AKR1C3: variants seen among roughly 807,000 people sequenced by gnomAD.
The protein encoded by AKR1C3 is aldo-keto reductase family 1 member C3.
Under a neutral mutation model 43.6 loss-of-function variants are expected in AKR1C3, and 48 were observed. That is an observed-to-expected ratio of 1.10 (90% CI 0.87 to 1.40). AKR1C3 has a LOEUF of 1.40. AKR1C3 is among the 40% of genes most tolerant of loss of function. AKR1C3 has a pLI of 0.00. For synonymous variants in AKR1C3, 162 were observed against 139.6 expected (o/e 1.16, Z -1.13); for missense variants, 482 against 391.2 (o/e 1.23, Z -1.96).
chr10:5,089,020 CTG>C (rs1182270859), intron 1 of AKR1C3, among the ~76,000 whole-genome samples: 1 of 152,042 alleles, frequency 6.6e-6, no homozygotes, highest in Non-Finnish European at 1.5e-5. Flanking sequence ...ATTTGCTTGT[CTG>C]TGAAAGATGA....
At chr10:5,055,868 G>T (rs1396379054) in intron 1 of AKR1C3, among the ~76,000 whole-genome samples, 1 of 152,138 alleles carries the variant, frequency 6.6e-6, no homozygotes, top group East Asian at 1.9e-4. Flanking sequence ...ATCCATAGTC[G>T]GCAAAAGCCG....
intron 1 of AKR1C3, among the ~76,000 whole-genome samples, chr10:5,069,185 C>A (rs1321672032): frequency 6.6e-6 from 1 of 152,200 alleles, no homozygotes; most frequent in African/African-American, 2.4e-5. Flanking sequence ...CGAAAGAGAC[C>A]AGAGACTAAC....
At chr10:5,063,764 GCAAAAAAAAA>G (rs1267996259) in intron 1 of AKR1C3, among the ~76,000 whole-genome samples, 27 of 33,446 alleles carry the variant, frequency 8.1e-4, no homozygotes, top group African/African-American at 3.2e-3. Flanking sequence ...CTCTGTCTCA[GCAAAAAAAAA>G]AAAAAAAAAA....
chr10:5,107,339 C>T, intron 8 of AKR1C3, 122 bp from the exon 9 acceptor site: 2 of 690,762 alleles, frequency 2.9e-6, no homozygotes, highest in South Asian at 1.7e-5. Context: ...GTAAGAAAGG[C>T]AGATTCTACA....
At chr10:5,056,802 G>A (rs1465262423) in intron 1 of AKR1C3, among the ~76,000 whole-genome samples, 2 of 152,172 alleles carry the variant, frequency 1.3e-5, no homozygotes, top group African/African-American at 2.4e-5. Context: ...GGACTTTCAG[G>A]CATAACAAGA....
At chr10:5,062,452 G>A (rs1343353301) in intron 1 of AKR1C3, among the ~76,000 whole-genome samples, 1 of 152,132 alleles carries the variant, frequency 6.6e-6, no homozygotes, top group Non-Finnish European at 1.5e-5. Context: ...TTGTAGCTGA[G>A]CTTTTCCCTC....
At position 5,096,475 on chromosome 10, in the gene AKR1C3, T is replaced by G; in HGVS notation, c.150T>G (p.Asp50Glu). ...LAIEAGFRHI[D>E]SAHLYNNEEQ... Reference sequence around the variant, plus strand: ...TAGAAGCTGGGTTCCGCCATATAGATTCTGCTCATTTATACAATAATGAGG... The same window carrying G: ...TAGAAGCTGGGTTCCGCCATATAGAGTCTGCTCATTTATACAATAATGAGG... The change falls in exon 2 of 9, where the codon GAT becomes GAG. Residue 50 changes from aspartate to glutamate, a missense_variant. Physicochemically the swap from Asp to Glu is conservative, Grantham distance 45 (BLOSUM62 2). Transcript: ENST00000380554. 6.2e-7 allele frequency: 1 copy of G among 1,613,838 alleles called. No homozygotes were observed.
At chr10:5,074,106 C>A (rs1355225262) in intron 1 of AKR1C3, among the ~76,000 whole-genome samples, 1 of 151,946 alleles carries the variant, frequency 6.6e-6, no homozygotes, top group African/African-American at 2.4e-5. Flanking sequence ...ACCTGGAAGC[C>A]CCCTCCCCAC....
upstream of AKR1C3, chr10:5,094,392 A>T (rs924102952): frequency 6.2e-6 from 10 of 1,604,950 alleles, no homozygotes; most frequent in Non-Finnish European, 8.5e-6. Context: ...TGTTTTTGTA[A>T]TCTCTGAGGA....
At chr10:5,102,068 A>G (rs1470480032) in intron 5 of AKR1C3, 33 bp from the exon 6 acceptor site, 1 of 1,310,182 alleles carries the variant, frequency 7.6e-7, no homozygotes, top group African/African-American at 1.5e-5. Context: ...TATTTCATAT[A>G]AATTGATGCT....
intron 7 of AKR1C3, 113 bp from the exon 8 acceptor site, chr10:5,105,459 GTGTTTAGAGCTGACTTCTATAAC>G: frequency 1.7e-6 from 1 of 591,738 alleles, no homozygotes; most frequent in Non-Finnish European, 3.0e-6. Flanking sequence ...ACCCACCTGA[GTGTTTAGAGCTGACTTCTATAAC>G]TGTTTAAAAC....
At chr10:5,099,231 T>C (rs1476410324) in intron 4 of AKR1C3, 96 bp from the exon 5 acceptor site, 2 of 1,572,686 alleles carry the variant, frequency 1.3e-6, no homozygotes, top group African/African-American at 2.7e-5. Flanking sequence ...TTCATTGTCA[T>C]ACTTTGAAAG....
intron 1 of AKR1C3, among the ~76,000 whole-genome samples, chr10:5,095,059 A>G (rs1301944647): frequency 6.6e-6 from 1 of 151,426 alleles, no homozygotes; most frequent in Non-Finnish European, 1.5e-5. Flanking sequence ...TTTAAAAAGA[A>G]CTTCCTGAAA....
In AKR1C3 at chr10:5,051,472, C is replaced by A. The variant is rs145486918; in HGVS notation, c.84+2577C>A. On this transcript the variant is annotated intron_variant, in intron 1 of 8. Coordinates refer to the AKR1C3 transcript ENST00000439082. ...ATTTATTATTTTGATAATACAGATA[C>A]TATAAAGTCATGCTCTCAAAAAATG... Among the ~76,000 whole-genome samples, 779 of 152,270 alleles carry A rather than the reference C, an allele frequency of 5.1e-3. 6 individuals are homozygous for A. The highest frequency in any genetic ancestry group is 0.018 in the African/African-American group (732 of 41,566).
intron 1 of AKR1C3, among the ~76,000 whole-genome samples, chr10:5,088,610 A>G (rs1839022808): frequency 6.6e-6 from 1 of 151,352 alleles, no homozygotes; most frequent in Admixed American, 6.6e-5. Flanking sequence ...ATTGGTATAA[A>G]AGTCTGTTTT....
At chr10:5,059,895 C>T (rs142522869) in intron 1 of AKR1C3, among the ~76,000 whole-genome samples, 3,125 of 152,166 alleles carry the variant, frequency 0.021, 112 homozygotes, top group African/African-American at 0.072. Flanking sequence ...AATGAAGCCG[C>T]GGACCCTCGC....
chr10:5,105,022 A>G (rs1392859514), intron 7 of AKR1C3, among the ~76,000 whole-genome samples: 1 of 150,806 alleles, frequency 6.6e-6, no homozygotes, highest in Admixed American at 6.7e-5. Context: ...TGTGTTAGCA[A>G]TTAGTGGCAT....
chr10:5,068,580 A>C (rs1312017661), intron 1 of AKR1C3, among the ~76,000 whole-genome samples: 2 of 152,094 alleles, frequency 1.3e-5, no homozygotes, highest in Non-Finnish European at 2.9e-5. Context: ...AGTAATCTTA[A>C]TTACATGTTA....
chr10:5,102,188 G>A lies in AKR1C3; in HGVS notation c.658G>A (p.Gly220Arg), dbSNP rs1380149550. ...DIVLVAYSAL[G>R]SQRDKRWVDP... ...TGTTCTGGTTGCCTATAGTGCTCTG[G>A]GATCTCAACGAGACAAACGATGGTA... The change falls in exon 6 of 9, where the codon GGA becomes AGA. Residue 220 changes from glycine to arginine, a missense_variant. By Grantham distance (125) the Gly-to-Arg change is moderately radical. Transcript: ENST00000380554. 1 of 1,613,450 alleles carries A rather than the reference G, an allele frequency of 6.2e-7. No homozygotes were observed. The highest frequency in any genetic ancestry group is 1.3e-5 in the African/African-American group (1 of 74,856).
Sources: allele counts gnomAD v4.1 joint callset (sites outside exome capture counted in the v4.1 genomes callset), GRCh38; gene constraint gnomAD v4.1.1; transcripts MANE v1.5; gene names NCBI Gene and HGNC (gene_info 2026-07-23, HGNC 2026-07-21).